The following TSC22D1 variants were observed in gnomAD, a reference collection of about 807,000 sequenced individuals.
TSC22D1 encodes the protein TSC22 domain family member 1.
In TSC22D1, 9 loss-of-function variants were observed where a neutral mutation model predicts 74.2. The observed-to-expected ratio is 0.12, with a 90% CI of 0.07 to 0.21. The LOEUF is 0.21. TSC22D1 is among the 10% of genes least tolerant of loss of function. The pLI is 1.00. For synonymous variants in TSC22D1, 586 were observed against 492.5 expected (o/e 1.19, Z -2.51); for missense variants, 1,427 against 1,304.7 (o/e 1.09, Z -1.44).
At chr13:44,557,712 G>T (rs969907104) in intron 1 of TSC22D1, among the ~76,000 whole-genome samples, 9 of 152,024 alleles carry the variant, frequency 5.9e-5, no homozygotes, top group Non-Finnish European at 1.2e-4. Context: ...TTAAAATTAG[G>T]TTTCTACTTT....
At position 44,435,027 on chromosome 13, in the gene TSC22D1, C is replaced by G. The variant is rs573763795; in HGVS notation, c.2965-144G>C. On this transcript the variant is annotated intron_variant, in intron 2 of 2. Transcript: ENST00000458659. ...TTGGTTCAATGACACTTGGGGAAAT[C>G]TGAATACAAACATGACTGTACAATA... The G allele has an allele frequency of 1.3e-5, 9 of 700,608 alleles. No homozygotes were observed. In the African/African-American group the frequency reaches 1.6e-4, roughly 12 times the overall value. The allele number at this position is 700,608 out of a possible 1,614,324, so 43.4% of individuals were successfully genotyped here.
At chr13:44,447,833 C>CT (rs5803260) in intron 1 of TSC22D1, among the ~76,000 whole-genome samples, 103,035 of 129,472 alleles carry the variant, frequency 0.8, 41,463 homozygotes, top group East Asian at 0.91. Flanking sequence ...AATGCCTTTT[C>CT]TTTTTTTTTT....
At chr13:44,528,089 A>G (rs1880638528) in intron 1 of TSC22D1, among the ~76,000 whole-genome samples, 1 of 152,100 alleles carries the variant, frequency 6.6e-6, no homozygotes, top group African/African-American at 2.4e-5. Context: ...CAAATCCACT[A>G]TCATAGTTAA....
chr13:44,540,803 G>A (rs1881423184), intron 1 of TSC22D1, among the ~76,000 whole-genome samples: 1 of 152,158 alleles, frequency 6.6e-6, no homozygotes, highest in Non-Finnish European at 1.5e-5. Flanking sequence ...GCTGAAAGGA[G>A]AATAAGATAG....
At chr13:44,489,194 C>A (rs1173686174) in intron 1 of TSC22D1, among the ~76,000 whole-genome samples, 1 of 127,948 alleles carries the variant, frequency 7.8e-6, no homozygotes, top group South Asian at 2.8e-4. Flanking sequence ...TTGAGCCTTA[C>A]CTCATTTCAT....
intron 1 of TSC22D1, among the ~76,000 whole-genome samples, chr13:44,497,927 A>G (rs959240451): frequency 3.3e-4 from 50 of 152,224 alleles, no homozygotes; most frequent in African/African-American, 1.2e-3. Context: ...TTTCAGGATA[A>G]TATGAAGCTC....
intron 1 of TSC22D1, among the ~76,000 whole-genome samples, chr13:44,548,966 A>T (rs1463548565): frequency 6.6e-6 from 1 of 152,198 alleles, no homozygotes; most frequent in Non-Finnish European, 1.5e-5. Context: ...ACCATTTGTT[A>T]TAAGCATGAT....
chr13:44,530,922 A>G lies in TSC22D1; in HGVS notation c.2912+42241T>C, dbSNP rs191358926. Among the ~76,000 whole-genome samples the G allele has an allele frequency of 2.2e-4, 33 of 152,334 alleles. No individual in the cohort carries two copies. In the East Asian group the frequency reaches 6.0e-3, roughly 28 times the overall value. ...TGCAAAATGGTAAAGTCACTTTAGA[A>G]GACAGTTTGGCAGTTTCTGTACTGC... On this transcript the variant is annotated intron_variant, in intron 1 of 2. Transcript: ENST00000458659.
At chr13:44,547,723 A>ACTTT (rs1384745202) in intron 1 of TSC22D1, among the ~76,000 whole-genome samples, 1 of 152,190 alleles carries the variant, frequency 6.6e-6, no homozygotes, top group Non-Finnish European at 1.5e-5. Context: ...AATATTCATA[A>ACTTT]CTTTTTGTTT....
At chr13:44,490,621 G>A (rs1031285762) in intron 1 of TSC22D1, among the ~76,000 whole-genome samples, 14 of 152,058 alleles carry the variant, frequency 9.2e-5, no homozygotes, top group African/African-American at 2.9e-4. Context: ...ATATAGGCTG[G>A]GCATAGTAGT....
At chr13:44,532,425 G>C (rs1390196758) in intron 1 of TSC22D1, among the ~76,000 whole-genome samples, 1 of 152,150 alleles carries the variant, frequency 6.6e-6, no homozygotes, top group Non-Finnish European at 1.5e-5. Context: ...GTAATGTGCT[G>C]GTTTGGTGTC....
intron 1 of TSC22D1, chr13:44,538,534 C>T (rs1881284519): frequency 1.0e-6 from 1 of 985,316 alleles, no homozygotes; most frequent in Non-Finnish European, 1.2e-6. Context: ...GAAACAGATA[C>T]AGAGAGCCGC....
intron 1 of TSC22D1, among the ~76,000 whole-genome samples, chr13:44,544,768 T>C (rs1345526226): frequency 6.6e-6 from 1 of 152,052 alleles, no homozygotes; most frequent in Non-Finnish European, 1.5e-5. Flanking sequence ...CATCTGAAAA[T>C]GTTACCGGTA....
chr13:44,486,019 C>T (rs1595110877), intron 1 of TSC22D1, among the ~76,000 whole-genome samples: 1 of 151,394 alleles, frequency 6.6e-6, no homozygotes, highest in Non-Finnish European at 1.5e-5. Flanking sequence ...AGCTCCCCAA[C>T]CAGAAAAGGC....
chr13:44,525,736 A>C (rs1479534316), intron 1 of TSC22D1, among the ~76,000 whole-genome samples: 1 of 151,248 alleles, frequency 6.6e-6, no homozygotes, highest in Non-Finnish European at 1.5e-5. Flanking sequence ...ATGAAACTTC[A>C]TACTCAAGTC....
At chr13:44,480,332 C>T (rs1416117348) in intron 1 of TSC22D1, among the ~76,000 whole-genome samples, 1 of 151,726 alleles carries the variant, frequency 6.6e-6, no homozygotes, top group African/African-American at 2.4e-5. Flanking sequence ...GCTATTAATT[C>T]CTTGGGAATT....
At position 44,485,081 on chromosome 13, in the gene TSC22D1, T is replaced by G. The variant is rs1320503415; in HGVS notation, c.2913-48986A>C. On this transcript the variant is annotated intron_variant, in intron 1 of 2. Transcript: ENST00000458659. Reference sequence around the variant, plus strand: ...CAATAAATATTGGAGTCCATCCTCTTTCTTTTACCATATTATAGAAGCAAT... The same window carrying G: ...CAATAAATATTGGAGTCCATCCTCTGTCTTTTACCATATTATAGAAGCAAT... Among the ~76,000 whole-genome samples the G allele has an allele frequency of 2.0e-5, 3 of 152,188 alleles. No individual in the cohort carries two copies. In the East Asian group the frequency reaches 5.8e-4, roughly 29 times the overall value.
intron 1 of TSC22D1, among the ~76,000 whole-genome samples, chr13:44,446,623 C>T (rs993988523): frequency 6.6e-6 from 1 of 151,798 alleles, no homozygotes; most frequent in African/African-American, 2.4e-5. Context: ...TGCCTGTATG[C>T]CCTGAATCAA....
At chr13:44,454,879 A>G (rs976342367) in intron 1 of TSC22D1, among the ~76,000 whole-genome samples, 1 of 152,336 alleles carries the variant, frequency 6.6e-6, no homozygotes, top group South Asian at 2.1e-4. Context: ...ATGTTTTAGT[A>G]ATCTTCAGTC....
Sources: allele counts gnomAD v4.1 joint callset (sites outside exome capture counted in the v4.1 genomes callset), GRCh38; gene constraint gnomAD v4.1.1; transcripts MANE v1.5; gene names NCBI Gene and HGNC (gene_info 2026-07-23, HGNC 2026-07-21).